ERC2: variants seen among roughly 807,000 people sequenced by gnomAD.
ERC2 encodes ERC protein 2.
ERC2 carries 42 observed loss-of-function variants against 114.8 expected under a neutral mutation model. The ratio of observed to expected loss-of-function variants is 0.37; its 90% CI spans 0.29 to 0.47. The LOEUF is 0.47. Among genes scored for constraint, ERC2 ranks in the 20% least tolerant of loss-of-function variants. The pLI, the probability that ERC2 is intolerant of heterozygous loss-of-function variation, is 0.99. For missense variants in ERC2, 939 were observed against 1,150.7 expected, an observed-to-expected ratio of 0.82 and a Z score of 2.66; for synonymous variants, 454 against 425.5, an observed-to-expected ratio of 1.07 and a Z score of -0.82.
intron 2 of ERC2, among the ~76,000 whole-genome samples, chr3:56,320,654 T>C (rs1301294017): frequency 6.6e-6 from 1 of 151,888 alleles, no homozygotes; most frequent in East Asian, 1.9e-4. Context: ...AACTAGAATG[T>C]GTACATCAAG....
intron 15 of ERC2, among the ~76,000 whole-genome samples, chr3:55,699,868 C>T (rs2063129774): frequency 6.6e-6 from 1 of 152,090 alleles, no homozygotes; most frequent in Admixed American, 6.5e-5. Context: ...AGACTCTAGA[C>T]CAACACTCTA....
At chr3:55,547,896 G>C (rs1015818587) in intron 17 of ERC2, among the ~76,000 whole-genome samples, 6 of 152,238 alleles carry the variant, frequency 3.9e-5, no homozygotes, top group Admixed American at 3.3e-4. Context: ...AGTTGGGGTA[G>C]AGCTGGGGAG....
intron 14 of ERC2, among the ~76,000 whole-genome samples, chr3:55,784,411 T>G (rs902946101): frequency 6.6e-6 from 1 of 152,190 alleles, no homozygotes; most frequent in Admixed American, 6.5e-5. Flanking sequence ...GTTTCTTGAT[T>G]TTGGTTACCA....
chr3:56,117,724 G>A (rs1032458214), intron 6 of ERC2, among the ~76,000 whole-genome samples: 1 of 152,216 alleles, frequency 6.6e-6, no homozygotes, highest in African/African-American at 2.4e-5. Context: ...CATAGCTACA[G>A]CTCACTAAAT....
At position 55,881,170 on chromosome 3, in the gene ERC2, C is replaced by T. The variant is rs182290671; in HGVS notation, c.2564+7219G>A. On this transcript the variant is annotated intron_variant, in intron 14 of 17. Coordinates refer to ENST00000288221, the MANE Select transcript of ERC2 (RefSeq NM_015576.3). ...AAATTGATTTTATCATTTCTGCACC[C>T]TTGCTCTCCTTTGAAGGGTACTTAC... Among the ~76,000 whole-genome samples, 5 of 152,284 alleles carry T rather than the reference C, an allele frequency of 3.3e-5. No homozygotes were observed. The East Asian group carries it at 9.7e-4, about 29-fold the overall frequency.
chr3:55,927,208 C>G (rs1484909350), intron 13 of ERC2, among the ~76,000 whole-genome samples: 1 of 152,112 alleles, frequency 6.6e-6, no homozygotes, highest in African/African-American at 2.4e-5. Flanking sequence ...AAACATAAAC[C>G]CTATTTAGGT....
intron 12 of ERC2, among the ~76,000 whole-genome samples, chr3:55,956,890 T>TC (rs2067992442): frequency 1.3e-5 from 2 of 152,048 alleles, no homozygotes; most frequent in Admixed American, 6.6e-5. Context: ...TGGTCCTTGC[T>TC]CCCCTGAGGT....
chr3:55,735,205 C>T (rs1392244107), intron 14 of ERC2, among the ~76,000 whole-genome samples: 1 of 152,182 alleles, frequency 6.6e-6, no homozygotes, highest in Admixed American at 6.5e-5. Flanking sequence ...CATTTATCCA[C>T]CCATCCAACC....
At chr3:56,381,517 T>G (rs1025788671) in intron 2 of ERC2, among the ~76,000 whole-genome samples, 2 of 151,946 alleles carry the variant, frequency 1.3e-5, no homozygotes, top group African/African-American at 4.8e-5. Context: ...TTCAAACCCA[T>G]GTAGTTCAAG....
intron 2 of ERC2, among the ~76,000 whole-genome samples, chr3:56,302,160 C>G (rs556442748): frequency 6.6e-6 from 1 of 152,244 alleles, no homozygotes; most frequent in East Asian, 1.9e-4. Context: ...GGCTCAAGAG[C>G]AGATACACAC....
chr3:56,467,720 A>G (rs1338254696), intron 1 of ERC2, among the ~76,000 whole-genome samples: 1 of 151,498 alleles, frequency 6.6e-6, no homozygotes, highest in Non-Finnish European at 1.5e-5. Context: ...TTTCCCTGAC[A>G]CGGGTTTTTT....
intron 6 of ERC2, among the ~76,000 whole-genome samples, chr3:56,111,581 G>A (rs970638829): frequency 1.3e-5 from 2 of 152,158 alleles, no homozygotes; most frequent in African/African-American, 4.8e-5. Context: ...ACCACTTACA[G>A]CAGCACCCAC....
intron 14 of ERC2, among the ~76,000 whole-genome samples, chr3:55,757,765 C>A (rs1025606229): frequency 1.3e-5 from 2 of 152,060 alleles, no homozygotes; most frequent in African/African-American, 4.8e-5. Flanking sequence ...GTTATTACCA[C>A]TTACATAAAC....
intron 4 of ERC2, among the ~76,000 whole-genome samples, chr3:56,151,789 C>T (rs1449515935): frequency 1.3e-5 from 2 of 152,004 alleles, no homozygotes; most frequent in East Asian, 3.9e-4. Flanking sequence ...TGTTGAGATG[C>T]TAAATGCACA....
chr3:55,766,148 A>C (rs899901880), intron 14 of ERC2, among the ~76,000 whole-genome samples: 7 of 152,106 alleles, frequency 4.6e-5, no homozygotes, highest in African/African-American at 1.7e-4. Context: ...GAAGCACTAA[A>C]TGCCAGCAGA....
chr3:56,177,820 T>C (rs1487275321), intron 3 of ERC2, among the ~76,000 whole-genome samples: 1 of 152,152 alleles, frequency 6.6e-6, no homozygotes, highest in Non-Finnish European at 1.5e-5. Context: ...AGCTCTGAAA[T>C]TATCCAGATT....
chr3:56,434,995 C>A lies in ERC2; in HGVS notation c.13G>T (p.Ala5Ser). The change falls in exon 2 of 18, where the codon GCA (alanine) becomes TCA (serine). Residue 5 changes from alanine to serine, a missense_variant. Ala to Ser is a moderately conservative substitution (Grantham distance 99). Transcript: ENST00000288221. ...CCTTCCAGATTGGTGATTGTTCTTGCACTTCCATACATTTTTCTTGTATTA... is the reference window on the plus strand; with the variant it reads ...CCTTCCAGATTGGTGATTGTTCTTGAACTTCCATACATTTTTCTTGTATTA... MYGSARTITNLEGSP... is the reference protein window; with the variant it reads MYGSSRTITNLEGSP... 6.2e-7 allele frequency: 1 copy of A among 1,607,912 alleles called. No homozygotes were observed. The highest frequency in any genetic ancestry group is 8.5e-7 in the Non-Finnish European group (1 of 1,178,916).
chr3:55,590,320 A>G lies in ERC2; in HGVS notation c.*40-79044T>C, dbSNP rs1042002130. 1.1e-4 allele frequency among the ~76,000 whole-genome samples: 16 copies of G among 152,328 alleles called. No individual in the cohort carries two copies. The East Asian group carries it at 2.5e-3, about 24-fold the overall frequency. Reference sequence around the variant, plus strand: ...TTGGTGGGTGCATAAGGTGCTTTCAAACATCATAGAAACAAATTTGGAAGT... The same window carrying G: ...TTGGTGGGTGCATAAGGTGCTTTCAGACATCATAGAAACAAATTTGGAAGT... On this transcript the variant is annotated intron_variant, in intron 17 of 17. Transcript: ENST00000288221.
intron 17 of ERC2, among the ~76,000 whole-genome samples, chr3:55,545,993 A>T (rs1186007): frequency 0.68 from 103,390 of 152,054 alleles, 35,835 homozygotes; most frequent in East Asian, 0.83. Flanking sequence ...CTGTGAGAAG[A>T]GAATACATGG....
Sources: gnomAD v4.1 joint callset for allele counts (sites outside exome capture counted in the v4.1 genomes callset) on GRCh38, gnomAD v4.1.1 for gene constraint, MANE v1.5 for transcripts, NCBI Gene and HGNC (gene_info 2026-07-23, HGNC 2026-07-21) for gene names.